Variants in AIG1 observed in about 807,000 individuals in gnomAD.
AIG1 encodes the protein androgen-induced gene 1 protein.
Under a neutral mutation model 31.4 loss-of-function variants are expected in AIG1, and 23 were observed. The ratio of observed to expected loss-of-function variants is 0.73; its 90% CI spans 0.53 to 1.04. The LOEUF is 1.04. Among genes scored for constraint, AIG1 ranks in the 50% least tolerant of loss-of-function variants. The pLI is 0.00. For synonymous variants in AIG1, 100 were observed against 110.5 expected, an observed-to-expected ratio of 0.90 and a Z score of 0.60; for missense variants, 274 against 295.0, an observed-to-expected ratio of 0.93 and a Z score of 0.52.
intron 2 of AIG1, among the ~76,000 whole-genome samples, chr6:143,146,665 C>T (rs929287066): frequency 5.3e-5 from 8 of 152,054 alleles, no homozygotes; most frequent in Non-Finnish European, 1.0e-4. Context: ...TACTACTGTC[C>T]CTGTGGGTTT....
At position 143,122,062 on chromosome 6, in the gene AIG1, A is replaced by G. The variant is rs9390056; in HGVS notation, c.142-14773A>G. ...TATTTTCTTTGTTCTGAGTTCTTAG[A>G]GCTCTTAGTGCTATTTCTTCCTGAT... On this transcript the variant is annotated intron_variant, in intron 1 of 5. Transcript: ENST00000357847. Among the ~76,000 whole-genome samples, 420 of 152,252 alleles carry G rather than the reference A, an allele frequency of 2.8e-3. 8 individuals carry two copies. In the East Asian group the frequency reaches 0.053, roughly 19 times the overall value.
chr6:143,082,098 C>T (rs1185577499), intron 1 of AIG1, among the ~76,000 whole-genome samples: 2 of 152,160 alleles, frequency 1.3e-5, no homozygotes, highest in East Asian at 3.9e-4. Context: ...CCTTTCTCTC[C>T]ATATTGCTGC....
intron 3 of AIG1, among the ~76,000 whole-genome samples, chr6:143,273,560 A>G (rs1488453571): frequency 6.6e-6 from 1 of 152,144 alleles, no homozygotes; most frequent in South Asian, 2.1e-4. Context: ...CACGCTGCTG[A>G]TAAAGACATA....
chr6:143,166,980 G>A (rs1463686403), intron 3 of AIG1, among the ~76,000 whole-genome samples: 1 of 152,142 alleles, frequency 6.6e-6, no homozygotes, highest in Non-Finnish European at 1.5e-5. Flanking sequence ...CAGTTACATT[G>A]TATAGCTTTT....
rs1308160105 is a variant in AIG1 at position 143,096,072 on chromosome 6, A to G, written c.141+35006A>G. On this transcript the variant is annotated intron_variant, in intron 1 of 5. Coordinates refer to ENST00000357847, the MANE Select transcript of AIG1 (RefSeq NM_016108.4). ...CAGGCGTGTGCCACCATGCCCGGGT[A>G]ATTTTTTGTATTTTTAGTAGAGACA... Among the ~76,000 whole-genome samples the G allele has an allele frequency of 2.0e-5, 3 of 151,296 alleles. No homozygotes were observed. The East Asian group carries it at 5.8e-4, about 29-fold the overall frequency.
intron 3 of AIG1, among the ~76,000 whole-genome samples, chr6:143,205,691 A>G (rs1791055255): frequency 6.6e-6 from 1 of 152,224 alleles, no homozygotes; most frequent in South Asian, 2.1e-4. Context: ...TGGATTTTGC[A>G]GTTGTTTTGT....
intron 4 of AIG1, among the ~76,000 whole-genome samples, chr6:143,294,597 A>G (rs1223957937): frequency 6.6e-6 from 1 of 152,222 alleles, no homozygotes; most frequent in Admixed American, 6.5e-5. Context: ...ATAGGACAGT[A>G]ACTCACACAG....
rs149763001 is a variant in AIG1 at position 143,225,878 on chromosome 6, T to C, written c.400-58232T>C. Among the ~76,000 whole-genome samples the C allele has an allele frequency of 4.1e-3, 628 of 152,370 alleles. 4 individuals are homozygous for C. Among genetic ancestry groups the C allele is most frequent in the African/African-American group, 0.014 (603 of 41,592 alleles). Reference sequence around the variant, plus strand: ...TGTATATATTTTAATGTAAGATGGCTCTACTCTCTCTTTTGGCATATTTGT... The same window carrying C: ...TGTATATATTTTAATGTAAGATGGCCCTACTCTCTCTTTTGGCATATTTGT... On this transcript the variant is annotated intron_variant, in intron 3 of 5. Coordinates refer to ENST00000357847, the MANE Select transcript of AIG1 (RefSeq NM_016108.4).
intron 3 of AIG1, among the ~76,000 whole-genome samples, chr6:143,257,515 G>A (rs73594150): frequency 0.013 from 1,989 of 152,256 alleles, 24 homozygotes; most frequent in African/African-American, 0.042. Context: ...GTGTTTGAAC[G>A]GTTATAGTTA....
chr6:143,271,947 G>A (rs977884664), intron 3 of AIG1, among the ~76,000 whole-genome samples: 5 of 152,022 alleles, frequency 3.3e-5, no homozygotes, highest in Admixed American at 3.3e-4. Flanking sequence ...TTTGCTTAAG[G>A]GGAAGTCATA....
upstream of AIG1, chr6:143,060,467 T>C (rs937975207): frequency 4.0e-6 from 1 of 249,008 alleles, no homozygotes; most frequent in Non-Finnish European, 8.9e-6. Flanking sequence ...TCCTTCAGTC[T>C]AGGTTCCCCG....
At chr6:143,176,875 G>C (rs1228865427) in intron 3 of AIG1, among the ~76,000 whole-genome samples, 1 of 152,248 alleles carries the variant, frequency 6.6e-6, no homozygotes, top group African/African-American at 2.4e-5. Context: ...AGGGTCTGTG[G>C]TTTCTCTTGG....
intron 3 of AIG1, among the ~76,000 whole-genome samples, chr6:143,182,774 A>G (rs2128587383): frequency 6.6e-6 from 1 of 152,380 alleles, no homozygotes; most frequent in Middle Eastern, 3.4e-3. Context: ...CAATGCCTGT[A>G]CAAAATGGAC....
Position 143,330,349 on chromosome 6 carries a change from T to C in AIG1, c.516-2933T>C, listed in dbSNP as rs188929610. On this transcript the variant is annotated intron_variant, in intron 4 of 5. Transcript: ENST00000357847. This position sits in a 1 kb window ranked among gnomAD's most constrained non-coding sequence, Gnocchi z 4.4. ...ATACAGTGGCCAGGGAAGACATCAC[T>C]GGAAAGGTGACATTTGAGTGAAAAC... is the stretch of plus-strand genomic sequence containing the variant. 6.6e-6 allele frequency among the ~76,000 whole-genome samples: 1 copy of C among 152,134 alleles called. No individual in the cohort carries two copies. Among genetic ancestry groups the C allele is most frequent in the African/African-American group, 2.4e-5 (1 of 41,486 alleles).
chr6:143,218,743 G>C (rs4896624), intron 3 of AIG1, among the ~76,000 whole-genome samples: 81,602 of 151,700 alleles, frequency 0.54, 23,674 homozygotes, highest in African/African-American at 0.75. Flanking sequence ...AATGAAGGAC[G>C]CTTCATTCAT....
At chr6:143,212,138 C>G (rs1300139341) in intron 3 of AIG1, among the ~76,000 whole-genome samples, 1 of 152,040 alleles carries the variant, frequency 6.6e-6, no homozygotes, top group Non-Finnish European at 1.5e-5. Flanking sequence ...TTGTGACAGG[C>G]AAAAATGTCT....
chr6:143,155,336 T>C (rs1463745643), intron 2 of AIG1, among the ~76,000 whole-genome samples: 1 of 152,102 alleles, frequency 6.6e-6, no homozygotes, highest in Non-Finnish European at 1.5e-5. Flanking sequence ...TATGACAGCA[T>C]GTGCAAAGAC....
intron 4 of AIG1, among the ~76,000 whole-genome samples, chr6:143,287,903 A>C (rs1281677756): frequency 6.6e-6 from 1 of 152,140 alleles, no homozygotes; most frequent in African/African-American, 2.4e-5. Flanking sequence ...GATCACTTGC[A>C]CAAAATCAAA....
chr6:143,254,599 C>G (rs940942253), intron 3 of AIG1, among the ~76,000 whole-genome samples: 2 of 152,072 alleles, frequency 1.3e-5, no homozygotes, highest in African/African-American at 4.8e-5. Context: ...TCTGTTCCCC[C>G]CTACCCCCGC....
Sources: gnomAD v4.1 joint callset for allele counts (sites outside exome capture counted in the v4.1 genomes callset) on GRCh38, gnomAD v4.1.1 for gene constraint, Gnocchi (gnomAD v3.1) non-coding constraint, MANE v1.5 for transcripts, NCBI Gene and HGNC (gene_info 2026-07-23, HGNC 2026-07-21) for gene names.